The following SNRPN variants were observed in gnomAD, a reference collection of about 807,000 sequenced individuals.
SNRPN encodes small nuclear ribonucleoprotein polypeptide N.
Under a neutral mutation model 25.2 loss-of-function variants are expected in SNRPN, and 7 were observed. The observed-to-expected ratio is 0.28, with a 90% CI of 0.16 to 0.52. The LOEUF is 0.52. SNRPN is among the 20% of genes least tolerant of loss of function. The pLI is 0.96. For synonymous variants in SNRPN, 124 were observed against 110.6 expected, an observed-to-expected ratio of 1.12 and a Z score of -0.76; for missense variants, 196 against 322.5, an observed-to-expected ratio of 0.61 and a Z score of 3.00.
intron 1 of SNRPN, among the ~76,000 whole-genome samples, chr15:24,865,745 C>T (rs2054518073): frequency 6.6e-6 from 1 of 152,040 alleles, no homozygotes; most frequent in Non-Finnish European, 1.5e-5. Context: ...ATCTTATTGC[C>T]ACCAAGAAGA....
At chr15:24,924,972 C>G (rs888537999) in intron 3 of SNRPN, among the ~76,000 whole-genome samples, 2 of 152,144 alleles carry the variant, frequency 1.3e-5, no homozygotes, top group Non-Finnish European at 2.9e-5. Context: ...AAGGTTTGGC[C>G]TCTGATTCAG....
intron 3 of SNRPN, among the ~76,000 whole-genome samples, chr15:24,927,695 A>G (rs1595955690): frequency 6.6e-6 from 1 of 151,748 alleles, no homozygotes; most frequent in Non-Finnish European, 1.5e-5. Context: ...TGCCCCAATA[A>G]TGTTTTTTAT....
intron 3 of SNRPN, among the ~76,000 whole-genome samples, chr15:24,927,632 C>T (rs927354653): frequency 1.3e-5 from 2 of 151,362 alleles, no homozygotes; most frequent in African/African-American, 2.4e-5. Context: ...GGAAATATAA[C>T]ATTTATACAA....
chr15:24,959,743 G>A (rs576172405), intron 1 of SNRPN, among the ~76,000 whole-genome samples: 5 of 152,218 alleles, frequency 3.3e-5, no homozygotes, highest in Admixed American at 6.5e-5. Context: ...AAAGACATTC[G>A]TTTGGATATA....
intron 2 of SNRPN, among the ~76,000 whole-genome samples, chr15:24,896,357 A>G (rs183717158): frequency 6.6e-6 from 1 of 152,304 alleles, no homozygotes; most frequent in Admixed American, 6.5e-5. Flanking sequence ...ATGCTATGTT[A>G]TATGTCAAAA....
intron 2 of SNRPN, among the ~76,000 whole-genome samples, chr15:24,887,464 G>A (rs1342976526): frequency 1.3e-5 from 2 of 148,274 alleles, no homozygotes. Flanking sequence ...AGGTCTTAAT[G>A]CTGAGTTGAA....
intron 1 of SNRPN, among the ~76,000 whole-genome samples, chr15:24,867,420 G>A (rs1008067007): frequency 1.3e-5 from 2 of 151,644 alleles, no homozygotes; most frequent in East Asian, 1.9e-4. Flanking sequence ...TGTCGCCCAG[G>A]CTGGAGTGCA....
chr15:24,923,881 ATGTGTGTGTGTGTGTGTGTGTG>A (rs58343685), intron 3 of SNRPN, among the ~76,000 whole-genome samples: 2 of 106,122 alleles, frequency 1.9e-5, no homozygotes, highest in African/African-American at 3.8e-5. Flanking sequence ...AGTGCCGTGT[ATGTGTGTGTGTGTGTGTGTGTG>A]TGTGTGTGTG....
intron 2 of SNRPN, chr15:24,909,863 G>T (rs1233792145): frequency 2.4e-6 from 2 of 829,260 alleles, no homozygotes; most frequent in South Asian, 1.4e-5. Flanking sequence ...GCTCAACAGA[G>T]ACCAGCAGGC....
intron 2 of SNRPN, among the ~76,000 whole-genome samples, chr15:24,833,099 T>C (rs1207701257): frequency 1.7e-4 from 14 of 83,544 alleles, no homozygotes; most frequent in Non-Finnish European, 2.7e-4. Context: ...AGCGAGACTC[T>C]GTCTCAAAAA....
intron 1 of SNRPN, among the ~76,000 whole-genome samples, chr15:24,885,608 T>C (rs1216102406): frequency 2.6e-5 from 4 of 152,304 alleles, no homozygotes; most frequent in Middle Eastern, 3.4e-3. Flanking sequence ...CCCACATCTC[T>C]GCAACATTGT....
intron 2 of SNRPN, among the ~76,000 whole-genome samples, chr15:24,913,320 A>G (rs1844625450): frequency 6.6e-6 from 1 of 151,962 alleles, no homozygotes; most frequent in Non-Finnish European, 1.5e-5. Context: ...ATTCTATCTC[A>G]GGGAGTTAAG....
At chr15:24,877,893 C>G (rs181351510) in intron 1 of SNRPN, among the ~76,000 whole-genome samples, 54 of 152,284 alleles carry the variant, frequency 3.5e-4, no homozygotes, top group African/African-American at 1.3e-3. Context: ...TACAGGGAAG[C>G]CTGGCCCATG....
At chr15:24,935,442 G>T (rs1283060069) in intron 3 of SNRPN, among the ~76,000 whole-genome samples, 2 of 152,160 alleles carry the variant, frequency 1.3e-5, no homozygotes, top group Non-Finnish European at 2.9e-5. Flanking sequence ...AAGAGATTCT[G>T]TAAGTTAGGA....
intron 2 of SNRPN, among the ~76,000 whole-genome samples, chr15:24,890,082 C>T (rs189727784): frequency 4.7e-5 from 7 of 149,864 alleles, no homozygotes; most frequent in African/African-American, 9.8e-5. Flanking sequence ...TCCTCAATTG[C>T]GGTGCCCTGG....
In SNRPN at chr15:24,838,226, G is replaced by C. The variant is rs570038676; in HGVS notation, c.-579+8321G>C. ...AAATTTTTGTATTTTTAGTAGAGAC[G>C]GGGTTTCACCGCGTTAGCCAGGATG... On this transcript the variant is annotated intron_variant, in intron 2 of 12. Transcript: ENST00000400100. 9.9e-5 allele frequency among the ~76,000 whole-genome samples: 15 copies of C among 151,002 alleles called. No homozygotes were observed. In the South Asian group the frequency reaches 3.1e-3, roughly 32 times the overall value.
chr15:24,929,432 CTT>C lies in SNRPN; in HGVS notation c.-391+9311_-391+9312del. 6.6e-6 allele frequency among the ~76,000 whole-genome samples: 1 copy of C among 152,056 alleles called. No individual in the cohort carries two copies. Among genetic ancestry groups the C allele is most frequent in the East Asian group, 1.9e-4 (1 of 5,162 alleles). On this transcript the variant is annotated intron_variant, in intron 3 of 11. Coordinates refer to the SNRPN transcript ENST00000400097. This position sits in a 1 kb window ranked among gnomAD's most constrained non-coding sequence, Gnocchi z 5.3. ...CACACATCATAGATTTAATATTAAA[CTT>C]TTAAAATTTTCAGATAAATGTAAGC...
At chr15:24,948,099 T>TTTTTA (rs71127029) in intron 3 of SNRPN, among the ~76,000 whole-genome samples, 49,584 of 150,460 alleles carry the variant, frequency 0.33, 8,586 homozygotes, top group East Asian at 0.5. Flanking sequence ...CAATCTTCCT[T>TTTTTA]TTTTATTTTA....
rs2058717748 is a variant in SNRPN at position 24,905,176 on chromosome 15, T to C, written c.-504-14835T>C. 2.6e-5 allele frequency among the ~76,000 whole-genome samples: 4 copies of C among 151,432 alleles called. No individual in the cohort carries two copies. The South Asian group carries it at 8.4e-4, about 32-fold the overall frequency. ...ATTAGCTCAAGAACACTTCCTTGAC[T>C]GGCTCAGAAATCCCATCCGATTTTA... is the stretch of plus-strand genomic sequence containing the variant. On this transcript the variant is annotated intron_variant, in intron 2 of 11. Coordinates refer to the SNRPN transcript ENST00000400097.
Sources: allele counts gnomAD v4.1 joint callset (sites outside exome capture counted in the v4.1 genomes callset), GRCh38; gene constraint gnomAD v4.1.1; non-coding constraint Gnocchi (gnomAD v3.1); transcripts MANE v1.5; gene names NCBI Gene and HGNC (gene_info 2026-07-23, HGNC 2026-07-21).